ROBO1: variants seen among roughly 807,000 people sequenced by gnomAD.
ROBO1 encodes the protein roundabout guidance receptor 1.
Under a neutral mutation model 195.9 loss-of-function variants are expected in ROBO1, and 149 were observed. That is an observed-to-expected ratio of 0.76 (90% CI 0.67 to 0.87). ROBO1 has a LOEUF of 0.87. ROBO1 is among the 40% of genes least tolerant of loss of function. ROBO1 has a pLI of 0.00. For missense variants in ROBO1, 1,933 were observed against 2,068.3 expected (o/e 0.93, Z 1.27); for synonymous variants, 816 against 733.2 (o/e 1.11, Z -1.82).
At chr3:79,539,339 T>A (rs1264060063) in intron 2 of ROBO1, among the ~76,000 whole-genome samples, 1 of 138,842 alleles carries the variant, frequency 7.2e-6, no homozygotes, top group East Asian at 1.9e-4. Flanking sequence ...GAAAATAAGT[T>A]TAAGTTACAC....
At chr3:78,921,086 T>C (rs2038918090) in intron 4 of ROBO1, among the ~76,000 whole-genome samples, 2 of 152,174 alleles carry the variant, frequency 1.3e-5, no homozygotes, top group Non-Finnish European at 2.9e-5. Flanking sequence ...AGTAAATTAA[T>C]AAACATAAAT....
chr3:78,725,662 T>C (rs572822559), intron 5 of ROBO1, among the ~76,000 whole-genome samples: 1 of 152,350 alleles, frequency 6.6e-6, no homozygotes, highest in South Asian at 2.1e-4. Context: ...TCAGTATTCT[T>C]ATTTCCAGAA....
intron 3 of ROBO1, 112 bp from the exon 4 acceptor site, chr3:78,939,039 A>G: frequency 1.1e-6 from 1 of 899,356 alleles, no homozygotes; most frequent in Admixed American, 2.8e-5. Flanking sequence ...ACATTGGCCT[A>G]GCCTTCCTAC....
rs185626149 is a variant in ROBO1, at chr3:79,563,701, G to A, written c.88+26123C>T. ...TGTGTCATAAAGTTGCTTGAATTGCGTATCTTTCACAGTACATCAGAGAGC... is the reference window on the plus strand; with the variant it reads ...TGTGTCATAAAGTTGCTTGAATTGCATATCTTTCACAGTACATCAGAGAGC... On this transcript the variant is annotated intron_variant, in intron 2 of 30. Coordinates refer to ENST00000464233, the MANE Select transcript of ROBO1 (RefSeq NM_002941.4). Among the ~76,000 whole-genome samples the A allele has an allele frequency of 2.0e-4, 31 of 152,102 alleles. No individual in the cohort carries two copies. The East Asian group carries it at 2.1e-3, about 10-fold the overall frequency.
At chr3:78,787,430 A>G (rs2083870114) in intron 4 of ROBO1, among the ~76,000 whole-genome samples, 1 of 152,160 alleles carries the variant, frequency 6.6e-6, no homozygotes, top group South Asian at 2.1e-4. Context: ...ATTATCCCAT[A>G]CTAACTGTTG....
At chr3:79,051,466 T>C (rs915031839) in intron 3 of ROBO1, among the ~76,000 whole-genome samples, 2 of 152,150 alleles carry the variant, frequency 1.3e-5, no homozygotes, top group Non-Finnish European at 2.9e-5. Context: ...ACAGCTGAAT[T>C]CTACCACAGG....
intron 18 of ROBO1, among the ~76,000 whole-genome samples, chr3:78,654,442 A>C (rs2107633702): frequency 6.6e-6 from 1 of 152,324 alleles, no homozygotes; most frequent in African/African-American, 2.4e-5. Context: ...GGTTATCCTA[A>C]GCACTTCATC....
chr3:79,688,494 C>G (rs1442890991), intron 1 of ROBO1, among the ~76,000 whole-genome samples: 3 of 151,942 alleles, frequency 2.0e-5, no homozygotes, highest in African/African-American at 7.2e-5. Flanking sequence ...CTATTTTTTG[C>G]CAATATTCTA....
At chr3:78,600,808 T>A (rs1237683868) in intron 29 of ROBO1, among the ~76,000 whole-genome samples, 1 of 151,566 alleles carries the variant, frequency 6.6e-6, no homozygotes, top group Non-Finnish European at 1.5e-5. Context: ...ACATAACTTA[T>A]AAAATGTTAT....
rs764473580 is a variant in ROBO1, at chr3:78,617,800, C to T, written c.4117G>A (p.Gly1373Ser). Residue 1373 changes from glycine (G) to serine (S), a missense_variant, in exon 27 of 31, where the codon GGC becomes AGC. Transcript: ENST00000464233. Reference sequence around the variant, plus strand: ...TCCTCCTCTGAGGCTGAGCCCCAGCCGTTGATCATGGACCCCGTGACAGAG... The same window carrying T: ...TCCTCCTCTGAGGCTGAGCCCCAGCTGTTGATCATGGACCCCGTGACAGAG... ...ESSVTGSMIN[G>S]WGSASEEDNI... 10 of 1,613,776 alleles carry T rather than the reference C, an allele frequency of 6.2e-6. No individual in the cohort carries two copies. In the Admixed American group the frequency reaches 1.7e-4, roughly 27 times the overall value.
intron 8 of ROBO1, among the ~76,000 whole-genome samples, chr3:78,710,887 A>T (rs534395031): frequency 6.6e-6 from 1 of 152,206 alleles, no homozygotes; most frequent in Admixed American, 6.5e-5. Flanking sequence ...AATAAAAATA[A>T]ATTTATGTGC....
intron 2 of ROBO1, among the ~76,000 whole-genome samples, chr3:79,181,758 C>G (rs1254957301): frequency 6.6e-6 from 1 of 151,768 alleles, no homozygotes; most frequent in Non-Finnish European, 1.5e-5. Context: ...GACCCCATCT[C>G]TACTAAAACA....
chr3:79,600,395 T>C (rs1944304819), intron 1 of ROBO1, among the ~76,000 whole-genome samples: 1 of 151,882 alleles, frequency 6.6e-6, no homozygotes, highest in East Asian at 1.9e-4. Context: ...TCTTGACACA[T>C]GTTGAGAGGC....
chr3:78,964,678 C>T (rs1044867020), intron 3 of ROBO1, among the ~76,000 whole-genome samples: 1 of 151,726 alleles, frequency 6.6e-6, no homozygotes, highest in Non-Finnish European at 1.5e-5. Flanking sequence ...CCCCATAATA[C>T]AGGAATGAAA....
intron 4 of ROBO1, among the ~76,000 whole-genome samples, chr3:78,777,341 C>T (rs374229157): frequency 2.6e-5 from 4 of 152,222 alleles, no homozygotes; most frequent in East Asian, 3.9e-4. Context: ...AATTTAAAGA[C>T]GATTTTGAAA....
At chr3:78,907,285 A>G (rs1180314408) in intron 4 of ROBO1, among the ~76,000 whole-genome samples, 1 of 152,112 alleles carries the variant, frequency 6.6e-6, no homozygotes, top group African/African-American at 2.4e-5. Flanking sequence ...AATCACAAAA[A>G]AACAAAACAA....
chr3:79,642,110 A>C (rs1361682113), intron 1 of ROBO1, among the ~76,000 whole-genome samples: 2 of 152,200 alleles, frequency 1.3e-5, no homozygotes, highest in Non-Finnish European at 2.9e-5. Context: ...GAAATCTTAC[A>C]AGTGAGAAAT....
chr3:78,970,929 C>CA (rs749424067), intron 3 of ROBO1, among the ~76,000 whole-genome samples: 1,459 of 128,890 alleles, frequency 0.011, 8 homozygotes, highest in East Asian at 0.04. Context: ...GTATAGATTG[C>CA]AAAAAAAAAA....
intron 4 of ROBO1, among the ~76,000 whole-genome samples, chr3:78,918,479 G>A (rs1160887270): frequency 6.6e-6 from 1 of 152,120 alleles, no homozygotes; most frequent in East Asian, 1.9e-4. Flanking sequence ...ACTAAAATTA[G>A]TTATATGAAT....
Sources: gnomAD v4.1 joint callset for allele counts (sites outside exome capture counted in the v4.1 genomes callset) on GRCh38, gnomAD v4.1.1 for gene constraint, MANE v1.5 for transcripts, NCBI Gene and HGNC (gene_info 2026-07-23, HGNC 2026-07-21) for gene names.